Variants in DHRS3 observed in about 807,000 individuals in gnomAD.
The protein encoded by DHRS3 is short-chain dehydrogenase/reductase 3.
In DHRS3, 14 loss-of-function variants were observed where a neutral mutation model predicts 27.2. The observed-to-expected ratio is 0.52, with a 90% CI of 0.34 to 0.81. The LOEUF (loss-of-function observed/expected upper bound fraction) is 0.81. Ranked by LOEUF, DHRS3 falls within the 30% of genes least tolerant of loss-of-function variation. DHRS3 has a pLI of 0.01. For synonymous variants in DHRS3, 165 were observed against 175.9 expected (o/e 0.94, Z 0.49); for missense variants, 322 against 406.2 (o/e 0.79, Z 1.78).
rs1226045075 is a variant in DHRS3 at position 12,584,558 on chromosome 1, A to G, written c.196-3892T>C. ...CAGCATAGCACATTCTGTTTGTTGA[A>G]TGAATGAATGAATGAATGACAGTTC... On this transcript the variant is annotated intron_variant, in intron 1 of 5. Transcript: ENST00000616661. Among the ~76,000 whole-genome samples, 3 of 149,130 alleles carry G rather than the reference A, an allele frequency of 2.0e-5. No homozygotes were observed. In the East Asian group the frequency reaches 6.0e-4, roughly 30 times the overall value.
In DHRS3 at chr1:12,578,591, T is replaced by G; in HGVS notation, c.698+127A>C. The stretch of plus-strand genomic sequence containing the variant: ...GCCTTGGCTTCCCAAAATGCTAGGA[T>G]TATAGGTATGAGGCACCGTGCCTAG... On this transcript the variant is annotated intron_variant, in intron 4 of 5. Coordinates refer to ENST00000616661, the MANE Select transcript of DHRS3 (RefSeq NM_004753.7). The surrounding 1 kb of genome is among the most constrained non-coding windows in gnomAD (Gnocchi z 4.5). The G allele has an allele frequency of 1.1e-6, 1 of 921,396 alleles. No homozygotes were observed. Among genetic ancestry groups the G allele is most frequent in the Non-Finnish European group, 1.7e-6 (1 of 590,370 alleles). 57.1% of individuals were successfully genotyped at this position (921,396 alleles called of 1,614,324 possible). A position where few individuals can be genotyped will look rare whatever the true frequency, so the allele number is the denominator to read the frequency against.
chr1:12,596,088 C>G (rs919099031), intron 1 of DHRS3: 1 of 152,502 alleles, frequency 6.6e-6, no homozygotes, highest in Admixed American at 6.5e-5. Flanking sequence ...CGAGGTTACC[C>G]CAGCTGCACA....
intron 1 of DHRS3, among the ~76,000 whole-genome samples, chr1:12,599,601 C>G (rs953052974): frequency 2.5e-4 from 38 of 152,376 alleles, no homozygotes; most frequent in African/African-American, 8.7e-4. Flanking sequence ...CTCTCCACTC[C>G]CTGCTCACAC....
chr1:12,604,040 G>A (rs556247663), intron 1 of DHRS3, among the ~76,000 whole-genome samples: 19 of 152,154 alleles, frequency 1.2e-4, no homozygotes, highest in Admixed American at 2.6e-4. Context: ...AGGCGACAGG[G>A]GTACATGACC....
chr1:12,617,718 G>GAA lies in DHRS3; in HGVS notation c.-372_-371dup, dbSNP rs560789895. The GAA allele has an allele frequency of 3.3e-3, 227 of 67,838 alleles. 3 individuals carry two copies. The highest frequency in any genetic ancestry group is 0.013 in the African/African-American group (215 of 16,892). 4.2% of individuals were successfully genotyped at this position (67,838 alleles called of 1,614,324 possible). A position where few individuals can be genotyped will look rare whatever the true frequency, so the allele number is the denominator to read the frequency against. ...TGACAGAGGAGTTTAGGGAGGGGAAGAAAAAAAAAAAAAGGCACCAACCAC... is the reference window on the plus strand; with the variant it reads ...TGACAGAGGAGTTTAGGGAGGGGAAGAAAAAAAAAAAAAAAGGCACCAACCAC... On this transcript the variant is annotated 5_prime_UTR_variant, in exon 1 of 6. Transcript: ENST00000616661.
At chr1:12,579,092 A>G in intron 3 of DHRS3, 136 bp from the exon 4 acceptor site, 1 of 1,236,156 alleles carries the variant, frequency 8.1e-7, no homozygotes, top group Middle Eastern at 1.9e-4. Flanking sequence ...GAGAGGGCCG[A>G]GGGCTCCCTG....
intron 1 of DHRS3, among the ~76,000 whole-genome samples, chr1:12,606,988 T>G (rs1646876481): frequency 6.6e-6 from 1 of 152,126 alleles, no homozygotes; most frequent in Non-Finnish European, 1.5e-5. Context: ...ATGGCAATAG[T>G]TTTTTTGGGA....
Position 12,589,437 on chromosome 1 carries a change from G to A in DHRS3, c.196-8771C>T, listed in dbSNP as rs190264070. Among the ~76,000 whole-genome samples, 16 of 142,592 alleles carry A rather than the reference G, an allele frequency of 1.1e-4. No individual in the cohort carries two copies. In the East Asian group the frequency reaches 3.2e-3, roughly 29 times the overall value. 93.5% of individuals were successfully genotyped at this position (142,592 alleles called of 152,430 possible). A position where few individuals can be genotyped will look rare whatever the true frequency, so the allele number is the denominator to read the frequency against. On this transcript the variant is annotated intron_variant, in intron 1 of 5. Coordinates refer to ENST00000616661, the MANE Select transcript of DHRS3 (RefSeq NM_004753.7). ...GGAGGCTTGCTCTGTGGGCTAGGCT[G>A]GAGTGCAGTGGCGCGATCTCGGCTC... is the stretch of plus-strand genomic sequence containing the variant.
At position 12,594,193 on chromosome 1, in the gene DHRS3, G is replaced by T. The variant is rs1646769865; in HGVS notation, c.196-13527C>A. ...TGGGATTCAAATTTGGACAGTCTAA[G>T]TAACTCATGCAGGCTGCACTACTAG... On this transcript the variant is annotated intron_variant, in intron 1 of 5. Transcript: ENST00000616661. The surrounding 1 kb of genome is among the most constrained non-coding windows in gnomAD (Gnocchi z 4.1). 6.6e-6 allele frequency among the ~76,000 whole-genome samples: 1 copy of T among 152,202 alleles called. No individual in the cohort carries two copies. The highest frequency in any genetic ancestry group is 2.1e-4 in the South Asian group (1 of 4,828).
chr1:12,614,129 G>T (rs546595585), intron 1 of DHRS3, among the ~76,000 whole-genome samples: 2 of 152,224 alleles, frequency 1.3e-5, no homozygotes, highest in South Asian at 2.1e-4. Context: ...ACCTCCCAAG[G>T]TTTGCAATCA....
intron 1 of DHRS3, among the ~76,000 whole-genome samples, chr1:12,585,213 C>CTGTGTG (rs1646684513): frequency 1.5e-5 from 2 of 135,434 alleles, no homozygotes; most frequent in African/African-American, 2.8e-5. Flanking sequence ...GTCTGTGTAT[C>CTGTGTG]TCTGTGTGTG....
chr1:12,593,015 C>G lies in DHRS3; in HGVS notation c.196-12349G>C, dbSNP rs2100693360. 6.6e-6 allele frequency among the ~76,000 whole-genome samples: 1 copy of G among 152,354 alleles called. No individual in the cohort carries two copies. The highest frequency in any genetic ancestry group is 1.9e-4 in the East Asian group (1 of 5,186). On this transcript the variant is annotated intron_variant, in intron 1 of 5. Coordinates refer to ENST00000616661, the MANE Select transcript of DHRS3 (RefSeq NM_004753.7). This position sits in a 1 kb window ranked among gnomAD's most constrained non-coding sequence, Gnocchi z 4.6. ...CCTTCACCTGGAGCACAAGTGGACC[C>G]CTCACCTGGTCCCAAAAGGTCACTT...
intron 1 of DHRS3, among the ~76,000 whole-genome samples, chr1:12,603,111 A>G (rs911339490): frequency 2.6e-5 from 4 of 152,152 alleles, no homozygotes; most frequent in Non-Finnish European, 5.9e-5. Flanking sequence ...GGCACCCCAG[A>G]GGTAGAGGAG....
chr1:12,616,754 G>A (rs1446053843), intron 1 of DHRS3: 4 of 1,019,940 alleles, frequency 3.9e-6, no homozygotes, highest in Non-Finnish European at 1.2e-6. Context: ...CAGCTAGCAG[G>A]CGGCTCCCAG....
In DHRS3 at chr1:12,617,965, T is replaced by A. The variant is rs1646957166; in HGVS notation, c.-617A>T. Reference sequence around the variant, plus strand: ...CTATTCTTGGGCTCAGGAAATTGCTTAAACGCGATCTGATTGCCAGCAACG... The same window carrying A: ...CTATTCTTGGGCTCAGGAAATTGCTAAAACGCGATCTGATTGCCAGCAACG... On this transcript the variant is annotated 5_prime_UTR_variant, in exon 1 of 6. An upstream open reading frame in the 5' UTR loses its in-frame stop. Transcript: ENST00000616661. 6.6e-6 allele frequency among the ~76,000 whole-genome samples: 1 copy of A among 150,792 alleles called. No homozygotes were observed.
chr1:12,591,408 C>T lies in DHRS3; in HGVS notation c.196-10742G>A, dbSNP rs1194099656. Among the ~76,000 whole-genome samples the T allele has an allele frequency of 2.0e-5, 3 of 152,218 alleles. No homozygotes were observed. Among genetic ancestry groups the T allele is most frequent in the African/African-American group, 7.2e-5 (3 of 41,460 alleles). On this transcript the variant is annotated intron_variant, in intron 1 of 5. Coordinates refer to ENST00000616661, the MANE Select transcript of DHRS3 (RefSeq NM_004753.7). This position sits in a 1 kb window ranked among gnomAD's most constrained non-coding sequence, Gnocchi z 4.1. ...GGCCTGCCGAGAATGTTTTGGCTAC[C>T]GCTGGCTCAGCTGTTGGGGAGGATT... is the stretch of plus-strand genomic sequence containing the variant.
rs77594582 is a variant in DHRS3, at chr1:12,607,295, A to G, written c.195+9859T>C. Among the ~76,000 whole-genome samples the G allele has an allele frequency of 7.4e-3, 1,131 of 152,314 alleles. 17 individuals carry two copies. Among genetic ancestry groups the G allele is most frequent in the African/African-American group, 0.026 (1,093 of 41,564 alleles). Reference sequence around the variant, plus strand: ...TTAAAAAATCTTTAAAGGGTGATACAGTTAAGCATTGTGTCCCCACCCAAA... The same window carrying G: ...TTAAAAAATCTTTAAAGGGTGATACGGTTAAGCATTGTGTCCCCACCCAAA... On this transcript the variant is annotated intron_variant, in intron 1 of 5. Coordinates refer to ENST00000616661, the MANE Select transcript of DHRS3 (RefSeq NM_004753.7).
chr1:12,591,587 T>C lies in DHRS3; in HGVS notation c.196-10921A>G, dbSNP rs1356313372. Among the ~76,000 whole-genome samples, 1 of 152,216 alleles carries C rather than the reference T, an allele frequency of 6.6e-6. No individual in the cohort carries two copies. The highest frequency in any genetic ancestry group is 2.4e-5 in the African/African-American group (1 of 41,452). ...CACAGGAATGACAGTAGCTCTGACA[T>C]GCACGTGGGGCTCACTAGCTGGCCA... On this transcript the variant is annotated intron_variant, in intron 1 of 5. Coordinates refer to ENST00000616661, the MANE Select transcript of DHRS3 (RefSeq NM_004753.7). The surrounding 1 kb of genome is among the most constrained non-coding windows in gnomAD (Gnocchi z 4.1).
intron 2 of DHRS3, chr1:12,580,223 G>A (rs1285840192): frequency 1.1e-5 from 5 of 437,746 alleles, no homozygotes; most frequent in African/African-American, 8.1e-5. Flanking sequence ...ACAGATGACT[G>A]GAGTCAGAAG....
Sources: gnomAD v4.1 joint callset for allele counts (sites outside exome capture counted in the v4.1 genomes callset) on GRCh38, gnomAD v4.1.1 for gene constraint, Gnocchi (gnomAD v3.1) non-coding constraint, MANE v1.5 for transcripts, NCBI Gene and HGNC (gene_info 2026-07-23, HGNC 2026-07-21) for gene names.